BUB1B: variants seen among roughly 807,000 people sequenced by gnomAD.
BUB1B encodes the protein BUB1 mitotic checkpoint serine/threonine kinase B.
BUB1B carries 86 observed loss-of-function variants against 137.7 expected under a neutral mutation model. The observed-to-expected ratio is 0.62, with a 90% confidence interval of 0.52 to 0.75. BUB1B has a LOEUF of 0.75. Ranked by LOEUF, BUB1B falls within the 30% of genes least tolerant of loss-of-function variation. The pLI is 0.00. For synonymous variants in BUB1B, 420 were observed against 417.9 expected (o/e 1.00, Z -0.06); for missense variants, 1,130 against 1,236.9 (o/e 0.91, Z 1.30).
At chr15:40,193,647 G>A (rs1178964884) in intron 8 of BUB1B, among the ~76,000 whole-genome samples, 2 of 151,640 alleles carry the variant, frequency 1.3e-5, no homozygotes, top group African/African-American at 2.4e-5. Context: ...GGTGGCTCAT[G>A]CTTGTAATCC....
At chr15:40,168,211 T>G (rs1348807732) in intron 2 of BUB1B, among the ~76,000 whole-genome samples, 1 of 151,728 alleles carries the variant, frequency 6.6e-6, no homozygotes, top group African/African-American at 2.4e-5. Context: ...CAACTAAAAA[T>G]ACAAAATTAG....
intron 18 of BUB1B, among the ~76,000 whole-genome samples, chr15:40,211,713 T>A (rs2037713971): frequency 6.6e-6 from 1 of 152,192 alleles, no homozygotes; most frequent in Non-Finnish European, 1.5e-5. Context: ...CCTTCTGTTT[T>A]ATACTCACTA....
At chr15:40,172,622 C>T (rs1172059082) in intron 4 of BUB1B, among the ~76,000 whole-genome samples, 1 of 152,050 alleles carries the variant, frequency 6.6e-6, no homozygotes, top group East Asian at 1.9e-4. Flanking sequence ...AAAACGGGTT[C>T]GTCTTGCTGT....
Position 40,213,360 on chromosome 15 carries a change from C to G in BUB1B, c.2564C>G (p.Thr855Ser). 1.9e-6 allele frequency: 3 copies of G among 1,613,728 alleles called. No homozygotes were observed. Among genetic ancestry groups the G allele is most frequent in the Non-Finnish European group, 2.5e-6 (3 of 1,179,728 alleles). Residue 855 changes from threonine to serine, a missense_variant, in exon 20 of 23, where the codon ACC (threonine) becomes AGC (serine). By Grantham distance (58) the Thr-to-Ser change is moderately conservative. Coordinates refer to ENST00000287598, the MANE Select transcript of BUB1B (RefSeq NM_001211.6). ...QDLLQHSEYI[T>S]HEITVLIIYN... ...CTTCTCCAACACAGTGAATATATTA[C>G]CCATGAAATAACAGTGTTGATTATT...
At chr15:40,195,855 A>T (rs1451255585) in intron 8 of BUB1B, among the ~76,000 whole-genome samples, 1 of 151,918 alleles carries the variant, frequency 6.6e-6, no homozygotes, top group African/African-American at 2.4e-5. Flanking sequence ...GATTTGTTTG[A>T]GTTCCTGGTA....
intron 2 of BUB1B, among the ~76,000 whole-genome samples, chr15:40,167,533 G>A (rs956170568): frequency 3.3e-5 from 5 of 151,852 alleles, no homozygotes; most frequent in African/African-American, 1.2e-4. Flanking sequence ...TAGTAGAGAT[G>A]GGGTTTCCCC....
rs577967976 is a variant in BUB1B at position 40,206,475 on chromosome 15, A to AC, written c.2009+17_2009+18insC. On this transcript the variant is annotated intron_variant, in intron 15 of 22. Transcript: ENST00000287598. ...GAAGCTGAGGTGATTGGGGATTTAC[A>AC]GGTTTTACAAACCAGATTGTTTACT... The AC allele has an allele frequency of 6.0e-5, 97 of 1,614,042 alleles. No individual in the cohort carries two copies. In the African/African-American group the frequency reaches 1.1e-3, roughly 19 times the overall value.
rs970386648 is a variant in BUB1B at position 40,202,535 on chromosome 15, A to C, written c.1629-54A>C. On this transcript the variant is annotated intron_variant, in intron 13 of 22. Coordinates refer to ENST00000287598, the MANE Select transcript of BUB1B (RefSeq NM_001211.6). Reference sequence around the variant, plus strand: ...TTTCTGTTATTATAAGTGAGGATAAATTAGGGGTTACTGTTATGAAAAAAA... The same window carrying C: ...TTTCTGTTATTATAAGTGAGGATAACTTAGGGGTTACTGTTATGAAAAAAA... 3.1e-6 allele frequency: 5 copies of C among 1,597,170 alleles called. No individual in the cohort carries two copies. The African/African-American group carries it at 6.7e-5, about 21-fold the overall frequency.
intron 4 of BUB1B, among the ~76,000 whole-genome samples, chr15:40,174,642 T>C (rs149400354): frequency 6.6e-6 from 1 of 152,330 alleles, no homozygotes; most frequent in African/African-American, 2.4e-5. Context: ...GCTTCTCTAG[T>C]AGTAACAGAA....
chr15:40,211,915 C>T (rs1222625906), intron 18 of BUB1B, among the ~76,000 whole-genome samples: 1 of 152,100 alleles, frequency 6.6e-6, no homozygotes, highest in African/African-American at 2.4e-5. Context: ...CTCTGCCTCC[C>T]AGGGTCAAGC....
At chr15:40,176,363 A>G in intron 4 of BUB1B, 114 bp from the exon 5 acceptor site, 1 of 981,282 alleles carries the variant, frequency 1.0e-6, no homozygotes, top group East Asian at 2.5e-5. Context: ...TTGTAATAAT[A>G]GATTTTTTTT....
rs1337479910 is a variant in BUB1B at position 40,200,854 on chromosome 15, G to A, written c.1518-77G>A. 4.1e-6 allele frequency: 5 copies of A among 1,205,662 alleles called. No homozygotes were observed. The African/African-American group carries it at 6.0e-5, about 15-fold the overall frequency. 74.7% of individuals were successfully genotyped at this position (1,205,662 alleles called of 1,614,324 possible). On this transcript the variant is annotated intron_variant, in intron 11 of 22. Transcript: ENST00000287598. ...AGTAAATATTATATTTAATGGAAAA[G>A]CCTCTTGGACTTTTAAAAATTAAAC...
intron 4 of BUB1B, among the ~76,000 whole-genome samples, chr15:40,176,010 A>G (rs985145191): frequency 1.2e-4 from 18 of 151,922 alleles, no homozygotes; most frequent in African/African-American, 3.6e-4. Flanking sequence ...ATGCAGTGGC[A>G]CCATCATAGT....
At chr15:40,205,641 T>C (rs1366132121) in intron 14 of BUB1B, among the ~76,000 whole-genome samples, 2 of 152,212 alleles carry the variant, frequency 1.3e-5, no homozygotes, top group African/African-American at 2.4e-5. Flanking sequence ...GTGGCCATTA[T>C]GTTTTTAAAG....
At chr15:40,216,431 C>T (rs1393937358) in intron 20 of BUB1B, among the ~76,000 whole-genome samples, 1 of 151,124 alleles carries the variant, frequency 6.6e-6, no homozygotes, top group African/African-American at 2.4e-5. Context: ...AGAGTGTAGA[C>T]CTTGTCTAAG....
intron 3 of BUB1B, among the ~76,000 whole-genome samples, 195 bp from the exon 4 acceptor site, chr15:40,170,342 T>A (rs556117748): frequency 3.9e-5 from 6 of 152,332 alleles, no homozygotes; most frequent in African/African-American, 1.4e-4. Flanking sequence ...CTTCTATCCC[T>A]ATCCTCAGTT....
intron 15 of BUB1B, 67 bp downstream of exon 15, chr15:40,206,525 G>A: frequency 6.3e-7 from 1 of 1,594,718 alleles, no homozygotes; most frequent in Non-Finnish European, 8.6e-7. Context: ...GTGCTTGTCA[G>A]TTACAGTAAT....
intron 15 of BUB1B, among the ~76,000 whole-genome samples, chr15:40,206,836 G>A (rs2037643385): frequency 6.6e-6 from 1 of 152,126 alleles, no homozygotes; most frequent in South Asian, 2.1e-4. Context: ...TTGAAATGGA[G>A]TCTCACTCTG....
At chr15:40,180,251 C>CTT (rs34300396) in intron 5 of BUB1B, among the ~76,000 whole-genome samples, 11,787 of 90,324 alleles carry the variant, frequency 0.13, 976 homozygotes, top group Non-Finnish European at 0.16. Flanking sequence ...CGTTTCGTTT[C>CTT]TTTTTTTTTT....
Sources: gnomAD v4.1 joint callset for allele counts (sites outside exome capture counted in the v4.1 genomes callset) on GRCh38, gnomAD v4.1.1 for gene constraint, MANE v1.5 for transcripts, NCBI Gene and HGNC (gene_info 2026-07-23, HGNC 2026-07-21) for gene names.